Variants in GALNT13 observed in about 807,000 individuals in gnomAD.
GALNT13 encodes the protein UDP-GalNAc:polypeptide N-acetylgalactosaminyltransferase 13.
Under a neutral mutation model 64.2 loss-of-function variants are expected in GALNT13, and 28 were observed. The observed-to-expected ratio is 0.44, with a 90% CI of 0.32 to 0.60. The LOEUF (loss-of-function observed/expected upper bound fraction) is 0.60, where lower values mean the gene tolerates loss of function less well. GALNT13 is among the 20% of genes least tolerant of loss of function. The pLI, the probability that GALNT13 is intolerant of heterozygous loss-of-function variation, is 0.05. For missense variants in GALNT13, 577 were observed against 669.8 expected (o/e 0.86, Z 1.53); for synonymous variants, 214 against 224.6 (o/e 0.95, Z 0.42).
At chr2:154,083,591 G>A (rs1701387805) in intron 3 of GALNT13, among the ~76,000 whole-genome samples, 1 of 151,840 alleles carries the variant, frequency 6.6e-6, no homozygotes, top group Admixed American at 6.6e-5. Context: ...ATTTCCTTGA[G>A]CAGTGGTTTG....
the GALNT13 span, among the ~76,000 whole-genome samples, chr2:153,082,570 G>T: frequency 1.6e-5 from 1 of 61,220 alleles, no homozygotes; most frequent in Non-Finnish European, 2.8e-5. Context: ...CATTTAGGCT[G>T]GTTTATATAT....
chr2:153,579,235 T>A, the GALNT13 span, among the ~76,000 whole-genome samples: 1 of 152,150 alleles, frequency 6.6e-6, no homozygotes, highest in Non-Finnish European at 1.5e-5. Context: ...CATCAAAGGG[T>A]TGCCCAGGAG....
At chr2:153,763,773 G>A in the GALNT13 span, among the ~76,000 whole-genome samples, 5 of 152,158 alleles carry the variant, frequency 3.3e-5, no homozygotes, top group Non-Finnish European at 2.9e-5. Context: ...ACAGGAAGAG[G>A]TTGGAATACA....
chr2:154,338,596 A>T (rs974933558), intron 9 of GALNT13, among the ~76,000 whole-genome samples: 2 of 152,120 alleles, frequency 1.3e-5, no homozygotes, highest in African/African-American at 4.8e-5. Context: ...GTCAGGAGGC[A>T]GAGGGAGGTG....
chr2:154,429,798 C>T (rs543793107), intron 11 of GALNT13, among the ~76,000 whole-genome samples: 4 of 152,228 alleles, frequency 2.6e-5, no homozygotes, highest in South Asian at 2.1e-4. Context: ...AAAAATATAG[C>T]GAGTGACTTT....
chr2:154,029,188 CAAAAA>C (rs10551254), intron 3 of GALNT13, among the ~76,000 whole-genome samples: 2 of 134,312 alleles, frequency 1.5e-5, no homozygotes. Flanking sequence ...TTTTGTAAAT[CAAAAA>C]AAAAAAAAAA....
intron 9 of GALNT13, among the ~76,000 whole-genome samples, chr2:154,386,894 C>T (rs1401495505): frequency 6.6e-6 from 1 of 152,052 alleles, no homozygotes. Flanking sequence ...AGCCTCAAGA[C>T]CTGCTGTAAC....
the GALNT13 span, among the ~76,000 whole-genome samples, chr2:153,147,395 G>C: frequency 6.6e-6 from 1 of 151,806 alleles, no homozygotes; most frequent in Non-Finnish European, 1.5e-5. Context: ...CAAAGTTAAG[G>C]ATTCCTGCTT....
chr2:153,516,691 A>C, the GALNT13 span, among the ~76,000 whole-genome samples: 1 of 152,160 alleles, frequency 6.6e-6, no homozygotes, highest in African/African-American at 2.4e-5. Context: ...AATTCTCCCT[A>C]GGAAATTGTA....
the GALNT13 span, among the ~76,000 whole-genome samples, chr2:153,464,271 G>A: frequency 2.0e-5 from 3 of 152,004 alleles, no homozygotes; most frequent in Admixed American, 6.6e-5. Flanking sequence ...CATATGTTTG[G>A]GATCCTCTCC....
intron 2 of GALNT13, among the ~76,000 whole-genome samples, chr2:153,927,783 G>T (rs1340872981): frequency 2.6e-5 from 4 of 151,970 alleles, no homozygotes; most frequent in Non-Finnish European, 5.9e-5. Context: ...AAAAACCGAA[G>T]CTCCAAGTCA....
At chr2:154,269,396 A>G (rs1294164588) in intron 8 of GALNT13, among the ~76,000 whole-genome samples, 1 of 151,810 alleles carries the variant, frequency 6.6e-6, no homozygotes, top group Non-Finnish European at 1.5e-5. Flanking sequence ...AAATCTGATG[A>G]AAGTAGGTTA....
At chr2:153,959,460 G>A (rs538603102) in intron 3 of GALNT13, among the ~76,000 whole-genome samples, 1 of 152,186 alleles carries the variant, frequency 6.6e-6, no homozygotes, top group Admixed American at 6.5e-5. Flanking sequence ...ACATTTTAAG[G>A]CATAAATCAT....
chr2:154,191,181 G>C (rs1023505398), intron 4 of GALNT13, among the ~76,000 whole-genome samples: 6 of 152,258 alleles, frequency 3.9e-5, no homozygotes, highest in Middle Eastern at 3.4e-3. Flanking sequence ...GTATGATAAG[G>C]CTATCTAAAA....
chr2:153,401,172 T>C, the GALNT13 span, among the ~76,000 whole-genome samples: 1 of 152,230 alleles, frequency 6.6e-6, no homozygotes, highest in Non-Finnish European at 1.5e-5. Context: ...TCTGCCTTTA[T>C]TTCGTTATGT....
upstream of GALNT13, among the ~76,000 whole-genome samples, chr2:153,871,080 A>G (rs1234787356): frequency 2.6e-5 from 4 of 152,126 alleles, no homozygotes; most frequent in African/African-American, 9.7e-5. Context: ...GCCTTGTGCC[A>G]GGCACTGTTC....
chr2:154,187,652 G>C (rs1408991312), intron 4 of GALNT13, among the ~76,000 whole-genome samples: 1 of 151,890 alleles, frequency 6.6e-6, no homozygotes, highest in Non-Finnish European at 1.5e-5. Context: ...AGGCATTCTA[G>C]GAAGTTAGAG....
At chr2:153,486,420 G>A in the GALNT13 span, among the ~76,000 whole-genome samples, 6 of 152,074 alleles carry the variant, frequency 3.9e-5, no homozygotes, top group South Asian at 2.1e-4. Context: ...AAACCTCTTC[G>A]TCTTTTATTT....
At chr2:153,232,051 G>T in the GALNT13 span, among the ~76,000 whole-genome samples, 11 of 152,260 alleles carry the variant, frequency 7.2e-5, no homozygotes, top group African/African-American at 2.4e-4. Context: ...GCTCAGGAAG[G>T]ATGTCAGAAT....
Sources: gnomAD v4.1 joint callset for allele counts (sites outside exome capture counted in the v4.1 genomes callset) on GRCh38, gnomAD v4.1.1 for gene constraint, MANE v1.5 for transcripts, NCBI Gene and HGNC (gene_info 2026-07-23, HGNC 2026-07-21) for gene names.